The following TMEM132C variants were observed in gnomAD, a reference collection of about 807,000 sequenced individuals.
TMEM132C encodes the protein transmembrane protein 132C.
Under a neutral mutation model 61.4 loss-of-function variants are expected in TMEM132C, and 29 were observed. That is an observed-to-expected ratio of 0.47 (90% confidence interval 0.35 to 0.64). The LOEUF (loss-of-function observed/expected upper bound fraction) is 0.64, where lower values mean the gene tolerates loss of function less well. TMEM132C is among the 30% of genes least tolerant of loss of function. TMEM132C has a pLI of 0.00. For synonymous variants in TMEM132C, 656 were observed against 633.1 expected (o/e 1.04, Z -0.54); for missense variants, 1,408 against 1,476.9 (o/e 0.95, Z 0.76).
intron 1 of TMEM132C, among the ~76,000 whole-genome samples, chr12:128,358,285 C>T (rs1460641189): frequency 6.6e-6 from 1 of 152,172 alleles, no homozygotes; most frequent in East Asian, 1.9e-4. Flanking sequence ...CACAGCGGGA[C>T]ACTTTAAATC....
At chr12:128,564,997 T>C (rs190441429) in intron 3 of TMEM132C, among the ~76,000 whole-genome samples, 190 of 152,316 alleles carry the variant, frequency 1.2e-3, no homozygotes, top group Middle Eastern at 6.8e-3. Context: ...TAATAATTAT[T>C]ATAACTAATT....
intron 1 of TMEM132C, among the ~76,000 whole-genome samples, chr12:128,283,683 A>G (rs1047427307): frequency 6.6e-6 from 1 of 152,170 alleles, no homozygotes; most frequent in Admixed American, 6.5e-5. Flanking sequence ...CCATGAGTTC[A>G]CACTGATGCC....
intron 2 of TMEM132C, among the ~76,000 whole-genome samples, chr12:128,490,360 C>G (rs1266326179): frequency 6.6e-6 from 1 of 152,146 alleles, no homozygotes; most frequent in Non-Finnish European, 1.5e-5. Flanking sequence ...TCGCCTTGCC[C>G]TGGAAGAGAT....
intron 1 of TMEM132C, among the ~76,000 whole-genome samples, chr12:128,380,078 A>G (rs1268847263): frequency 6.6e-6 from 1 of 152,182 alleles, no homozygotes; most frequent in East Asian, 1.9e-4. Context: ...CCTTTCCTCA[A>G]AGCTTCTGCT....
intron 2 of TMEM132C, among the ~76,000 whole-genome samples, chr12:128,468,739 G>A (rs1376884896): frequency 6.6e-6 from 1 of 152,156 alleles, no homozygotes. Context: ...TACCACTAAT[G>A]TTAGAAGGTA....
chr12:128,689,277 C>A (rs1039335800), intron 5 of TMEM132C, among the ~76,000 whole-genome samples: 1 of 152,016 alleles, frequency 6.6e-6, no homozygotes, highest in Non-Finnish European at 1.5e-5. Flanking sequence ...ATCTCAAATA[C>A]TTAACTTTTT....
At chr12:128,495,302 C>T (rs11559851) in intron 2 of TMEM132C, among the ~76,000 whole-genome samples, 53,974 of 151,278 alleles carry the variant, frequency 0.36, 9,921 homozygotes, top group East Asian at 0.58. Flanking sequence ...CTGAGAAGAA[C>T]GTATATTCTG....
At chr12:128,361,160 T>A (rs1049429678) in intron 1 of TMEM132C, among the ~76,000 whole-genome samples, 1 of 152,210 alleles carries the variant, frequency 6.6e-6, no homozygotes. Flanking sequence ...TCACCTACTC[T>A]GTGTGCCTGA....
chr12:128,307,595 C>T (rs1276441343), intron 1 of TMEM132C, among the ~76,000 whole-genome samples: 1 of 152,212 alleles, frequency 6.6e-6, no homozygotes, highest in East Asian at 1.9e-4. Context: ...TGAATTCCTT[C>T]ATCCAGTTTT....
At chr12:128,592,766 G>T (rs138661486) in intron 3 of TMEM132C, among the ~76,000 whole-genome samples, 702 of 152,354 alleles carry the variant, frequency 4.6e-3, no homozygotes, top group Non-Finnish European at 7.6e-3. Context: ...CAGGCTCCCA[G>T]ATTCCCTTTT....
chr12:128,488,382 T>C (rs148489834), intron 2 of TMEM132C, among the ~76,000 whole-genome samples: 1,880 of 152,340 alleles, frequency 0.012, 38 homozygotes, highest in African/African-American at 0.043. Flanking sequence ...TATTATTGGC[T>C]AGGTGTGGTG....
chr12:128,456,366 C>CCTTTTTTTTTTTTT (rs1870341524), intron 2 of TMEM132C, among the ~76,000 whole-genome samples: 1 of 52,448 alleles, frequency 1.9e-5, no homozygotes, highest in Non-Finnish European at 4.0e-5. Context: ...TCTGATTAGC[C>CCTTTTTTTTTTTTT]TTTTTTTTTT....
chr12:128,351,403 T>C (rs758065296), intron 1 of TMEM132C, among the ~76,000 whole-genome samples: 2 of 152,150 alleles, frequency 1.3e-5, no homozygotes, highest in Non-Finnish European at 2.9e-5. Context: ...TATTCAAATA[T>C]ATCATATATA....
At chr12:128,561,396 C>G (rs1874513471) in intron 3 of TMEM132C, among the ~76,000 whole-genome samples, 1 of 152,166 alleles carries the variant, frequency 6.6e-6, no homozygotes, top group Non-Finnish European at 1.5e-5. Flanking sequence ...CCCCTAAAAG[C>G]TTGAAAACGG....
At position 128,561,592 on chromosome 12, in the gene TMEM132C, G is replaced by A. The variant is rs1283453827; in HGVS notation, c.1121+17489G>A. ...ATATTAGGGTTCATTAGGTCTGGAC[G>A]ATGACCGTGTGGACGTCATTGTTGG... On this transcript the variant is annotated intron_variant, in intron 3 of 8. Transcript: ENST00000435159. Among the ~76,000 whole-genome samples the A allele has an allele frequency of 2.6e-5, 4 of 152,232 alleles. No individual in the cohort carries two copies. The South Asian group carries it at 6.2e-4, about 24-fold the overall frequency.
At chr12:128,438,922 C>CT (rs927368040) in intron 2 of TMEM132C, 7 of 152,248 alleles carry the variant, frequency 4.6e-5, no homozygotes, top group East Asian at 1.9e-4. Flanking sequence ...CAGACTTCCT[C>CT]TTTTTTTCCC....
intron 3 of TMEM132C, among the ~76,000 whole-genome samples, chr12:128,578,558 A>G (rs1050224294): frequency 1.3e-5 from 2 of 152,022 alleles, no homozygotes; most frequent in Admixed American, 6.5e-5. Context: ...CTCCTATTAA[A>G]CTTACCTGAG....
intron 2 of TMEM132C, among the ~76,000 whole-genome samples, chr12:128,496,505 C>A (rs2136104974): frequency 6.6e-6 from 1 of 152,284 alleles, no homozygotes; most frequent in South Asian, 2.1e-4. Context: ...CACATAGTCC[C>A]ATATTTCTTG....
intron 3 of TMEM132C, among the ~76,000 whole-genome samples, chr12:128,582,739 T>A (rs913260434): frequency 6.6e-6 from 1 of 152,178 alleles, no homozygotes; most frequent in South Asian, 2.1e-4. Context: ...TCTGGAACTG[T>A]AAGTCCAATT....
Sources: allele counts gnomAD v4.1 joint callset (sites outside exome capture counted in the v4.1 genomes callset), GRCh38; gene constraint gnomAD v4.1.1; transcripts MANE v1.5; gene names NCBI Gene and HGNC (gene_info 2026-07-23, HGNC 2026-07-21).